ZNF469: variants seen among roughly 807,000 people sequenced by gnomAD.
ZNF469 encodes zinc finger protein 469.
In ZNF469, 1 loss-of-function variant was observed where a neutral mutation model predicts 1.0. The ratio of observed to expected loss-of-function variants is 1.00; its 90% CI spans 0.35 to 4.73. The LOEUF is 4.73. ZNF469 is among the 30% of genes most tolerant of loss of function. ZNF469 has a pLI of 0.16. For missense variants in ZNF469, 6,100 were observed against 5,356.3 expected (o/e 1.14, Z -4.33); for synonymous variants, 2,703 against 2,363.4 (o/e 1.14, Z -4.17).
chr16:88,111,732 G>A, the ZNF469 span, among the ~76,000 whole-genome samples: 1 of 152,166 alleles, frequency 6.6e-6, no homozygotes. Flanking sequence ...CGACTCCCGG[G>A]TTCAAGCGAT....
the ZNF469 span, among the ~76,000 whole-genome samples, chr16:88,344,210 G>A: frequency 6.7e-6 from 1 of 148,792 alleles, no homozygotes. Context: ...CGAGGATCCT[G>A]GATGGGATCC....
chr16:88,131,477 TGGCCTGTTGTTAGAACCTCTCGGCGC>T, the ZNF469 span, among the ~76,000 whole-genome samples: 1 of 102,362 alleles, frequency 9.8e-6, no homozygotes, highest in Admixed American at 9.5e-5. Context: ...TCCCTTCCCG[TGGCCTGTTGTTAGAACCTCTCGGCGC>T]TGCCTTCCCG....
chr16:88,129,772 G>T, the ZNF469 span, among the ~76,000 whole-genome samples: 2 of 152,158 alleles, frequency 1.3e-5, no homozygotes, highest in Non-Finnish European at 2.9e-5. Flanking sequence ...GCGGTGGGAG[G>T]ATCACTTCAG....
At chr16:88,377,676 A>C in the ZNF469 span, among the ~76,000 whole-genome samples, 4 of 149,086 alleles carry the variant, frequency 2.7e-5, no homozygotes, top group African/African-American at 9.9e-5. Context: ...TCCCTCCTCT[A>C]TCTCCCTCCT....
chr16:88,411,796 G>A (rs1905175317), intron 1 of ZNF469, among the ~76,000 whole-genome samples: 1 of 152,172 alleles, frequency 6.6e-6, no homozygotes, highest in Non-Finnish European at 1.5e-5. Flanking sequence ...TATCTGTAGG[G>A]AGTGTGTGAG....
intron 1 of ZNF469, among the ~76,000 whole-genome samples, chr16:88,415,382 C>G (rs72805359): frequency 3.5e-4 from 53 of 152,350 alleles, no homozygotes; most frequent in Non-Finnish European, 6.9e-4. Context: ...AGCCCCTCCT[C>G]AAACCTCAGC....
At chr16:88,265,534 C>T in the ZNF469 span, among the ~76,000 whole-genome samples, 1 of 152,190 alleles carries the variant, frequency 6.6e-6, no homozygotes, top group African/African-American at 2.4e-5. Context: ...CAGTATCCGG[C>T]GGGGCCGGGT....
At chr16:88,264,489 C>A in the ZNF469 span, among the ~76,000 whole-genome samples, 1 of 151,760 alleles carries the variant, frequency 6.6e-6, no homozygotes, top group East Asian at 1.9e-4. Context: ...CCAGCCTCCC[C>A]ACCTGTGCAT....
chr16:88,113,888 A>G, the ZNF469 span, among the ~76,000 whole-genome samples: 1 of 152,184 alleles, frequency 6.6e-6, no homozygotes, highest in East Asian at 1.9e-4. Flanking sequence ...CCCAGGTGTG[A>G]GGAAAGTTCT....
At chr16:88,383,898 C>T (rs1333126466) in intron 1 of ZNF469, among the ~76,000 whole-genome samples, 1 of 152,154 alleles carries the variant, frequency 6.6e-6, no homozygotes, top group Admixed American at 6.5e-5. Context: ...GGCTGGACGT[C>T]TAGACCCGTG....
chr16:88,436,080 T>C lies in ZNF469; in HGVS notation c.8610T>C (p.Thr2870=). The C allele has an allele frequency of 6.5e-7, 1 of 1,549,902 alleles. No homozygotes were observed. Among genetic ancestry groups the C allele is most frequent in the Non-Finnish European group, 8.7e-7 (1 of 1,146,962 alleles). Residue 2870 remains threonine (T), a synonymous_variant, in exon 3 of 3, where the codon ACT becomes ACC. Coordinates refer to ENST00000565624, the MANE Select transcript of ZNF469 (RefSeq NM_001367624.2). ...SQLFPPGGRL[T]RKRNPHVYGK... is the part of the protein sequence containing the mutation. ...TCTTCCCTCCAGGCGGTCGCTTGAC[T>C]AGAAAGAGGAACCCGCATGTCTACG...
the ZNF469 span, among the ~76,000 whole-genome samples, chr16:88,169,328 G>A: frequency 6.6e-6 from 1 of 152,310 alleles, no homozygotes. The surrounding 1 kb of genome is among the most constrained non-coding windows in gnomAD (Gnocchi z 6.1). Context: ...GACCAACATG[G>A]AAACGGAGGT....
intron 1 of ZNF469, among the ~76,000 whole-genome samples, chr16:88,407,416 A>T (rs1028890567): frequency 2.0e-5 from 3 of 152,240 alleles, no homozygotes; most frequent in Non-Finnish European, 4.4e-5. Context: ...GACCCTCATC[A>T]GCGTCACTCT....
At chr16:88,111,489 T>C in the ZNF469 span, among the ~76,000 whole-genome samples, 34 of 141,824 alleles carry the variant, frequency 2.4e-4, no homozygotes, top group South Asian at 5.9e-3. Flanking sequence ...ATAGGTCTTA[T>C]GCATTTCTTC....
At chr16:88,328,695 C>T in the ZNF469 span, among the ~76,000 whole-genome samples, 9 of 152,226 alleles carry the variant, frequency 5.9e-5, no homozygotes, top group East Asian at 3.9e-4. Flanking sequence ...GCGTTCCAGC[C>T]GGGGGGCTGG....
At chr16:88,265,669 G>A in the ZNF469 span, among the ~76,000 whole-genome samples, 2 of 152,212 alleles carry the variant, frequency 1.3e-5, no homozygotes, top group Non-Finnish European at 2.9e-5. Context: ...TCTGTGAAGT[G>A]GGGCACAGGA....
the ZNF469 span, among the ~76,000 whole-genome samples, chr16:88,153,818 A>G: frequency 6.6e-6 from 1 of 152,186 alleles, no homozygotes; most frequent in Non-Finnish European, 1.5e-5. Context: ...CCCTCTGTGC[A>G]TACATCGGGG....
At chr16:88,322,081 G>A in the ZNF469 span, among the ~76,000 whole-genome samples, 1 of 152,236 alleles carries the variant, frequency 6.6e-6, no homozygotes, top group Non-Finnish European at 1.5e-5. Context: ...GCCTGGACGA[G>A]CTGGGCGGGC....
chr16:88,431,455 G>A lies in ZNF469; in HGVS notation c.3985G>A (p.Ala1329Thr), dbSNP rs974258605. Residue 1329 changes from alanine (A) to threonine (T), a missense_variant, in exon 3 of 3, where the codon GCA becomes ACA. Transcript: ENST00000565624. The part of the protein sequence containing the change: ...PPARQPGEFL[A>T]PVANPSSTAC... ...TGCCCGCCAGCCTGGAGAATTTCTG[G>A]CACCCGTGGCTAACCCCTCAAGTAC... 5.2e-6 allele frequency: 8 copies of A among 1,550,266 alleles called. No individual in the cohort carries two copies. The African/African-American group carries it at 9.6e-5, about 19-fold the overall frequency.
Sources: allele counts gnomAD v4.1 joint callset (sites outside exome capture counted in the v4.1 genomes callset), GRCh38; gene constraint gnomAD v4.1.1; non-coding constraint Gnocchi (gnomAD v3.1); transcripts MANE v1.5; gene names NCBI Gene and HGNC (gene_info 2026-07-23, HGNC 2026-07-21).